The following SFMBT2 variants were observed in gnomAD, a reference collection of about 807,000 sequenced individuals.
SFMBT2 encodes the protein scm-like with four MBT domains protein 2.
A neutral mutation model predicts 110.1 loss-of-function variants in SFMBT2; 38 were observed. The ratio of observed to expected loss-of-function variants is 0.35; its 90% CI spans 0.27 to 0.45. SFMBT2 has a LOEUF of 0.45. Ranked by LOEUF, SFMBT2 falls within the 20% of genes least tolerant of loss-of-function variation. SFMBT2 has a pLI of 1.00. For synonymous variants in SFMBT2, 425 were observed against 425.4 expected (o/e 1.00, Z 0.01); for missense variants, 1,011 against 1,094.9 (o/e 0.92, Z 1.08).
At chr10:7,188,601 T>C in intron 16 of SFMBT2, 23 bp downstream of exon 16, 2 of 1,593,610 alleles carry the variant, frequency 1.3e-6, no homozygotes, top group Non-Finnish European at 1.7e-6. Context: ...AAACCCTTGC[T>C]TTCCAGAATT....
chr10:7,303,556 C>A (rs1021262196), intron 4 of SFMBT2, among the ~76,000 whole-genome samples: 3 of 152,004 alleles, frequency 2.0e-5, no homozygotes, highest in Non-Finnish European at 4.4e-5. Context: ...TAAAATAGGG[C>A]CTTATTTAGA....
chr10:7,385,995 C>CA (rs964025821), intron 1 of SFMBT2, among the ~76,000 whole-genome samples: 1 of 150,720 alleles, frequency 6.6e-6, no homozygotes, highest in African/African-American at 2.4e-5. Flanking sequence ...GACTCTGTCT[C>CA]AAAAAAACAT....
rs543308003 is a variant in SFMBT2 at position 7,324,865 on chromosome 10, C to G, written c.437-38911G>C. On this transcript the variant is annotated intron_variant, in intron 4 of 20. Coordinates refer to ENST00000397167, the MANE Select transcript of SFMBT2 (RefSeq NM_001387889.1). ...GAGGCGGAGGGAGAGTGCATAAGCT[C>G]TCAGGTGCCTCTTCTTTTAAGGACA... 3.7e-4 allele frequency among the ~76,000 whole-genome samples: 56 copies of G among 151,634 alleles called. No individual in the cohort carries two copies. In the South Asian group the frequency reaches 0.011, roughly 30 times the overall value.
At chr10:7,379,838 C>T (rs985272024) in intron 2 of SFMBT2, among the ~76,000 whole-genome samples, 1 of 152,194 alleles carries the variant, frequency 6.6e-6, no homozygotes, top group African/African-American at 2.4e-5. Context: ...ATGATTCTCG[C>T]TCTCACACTT....
chr10:7,364,711 G>A (rs1844835564), intron 4 of SFMBT2, among the ~76,000 whole-genome samples: 2 of 152,198 alleles, frequency 1.3e-5, no homozygotes, highest in South Asian at 4.1e-4. Context: ...CGGCAACAAG[G>A]ATGGGGCCTG....
intron 10 of SFMBT2, among the ~76,000 whole-genome samples, chr10:7,222,391 G>C (rs1276321212): frequency 6.6e-6 from 1 of 152,204 alleles, no homozygotes; most frequent in Non-Finnish European, 1.5e-5. Flanking sequence ...TGAAGTTTAA[G>C]CAACAAAAAT....
rs536112603 is a variant in SFMBT2 at position 7,339,927 on chromosome 10, G to T, written c.436+27722C>A. 9.2e-5 allele frequency among the ~76,000 whole-genome samples: 14 copies of T among 152,282 alleles called. No individual in the cohort carries two copies. In the South Asian group the frequency reaches 1.7e-3, roughly 18 times the overall value. ...CAGATGCTAAATGCTGGCCCAGAGG[G>T]TCAGCAGGATGAGCTAGTTTCTAAG... On this transcript the variant is annotated intron_variant, in intron 4 of 20. Transcript: ENST00000397167.
intron 15 of SFMBT2, among the ~76,000 whole-genome samples, chr10:7,194,129 C>T (rs879777455): frequency 2.0e-5 from 3 of 152,182 alleles, no homozygotes; most frequent in African/African-American, 4.8e-5. Context: ...TGTGCCTCCA[C>T]GCCAAGGCCT....
At chr10:7,194,189 T>C (rs761068210) in intron 15 of SFMBT2, among the ~76,000 whole-genome samples, 5 of 152,110 alleles carry the variant, frequency 3.3e-5, no homozygotes, top group African/African-American at 1.2e-4. Flanking sequence ...CAGTGGACCA[T>C]TGAGTGACTC....
chr10:7,197,593 T>C lies in SFMBT2; in HGVS notation c.1653A>G (p.Leu551=), dbSNP rs1174326846. ...ATTTGCCCGGTCCCACCGACTGAGG[T>C]AGCTCTGCAATCCTTCCTTTGTTCA... ...PYLNKGRIAE[L]PQSVGPGKCV... Residue 551 remains leucine, a synonymous_variant, in exon 15 of 21, where the codon CTA becomes CTG. Transcript: ENST00000397167. 1.2e-6 allele frequency: 2 copies of C among 1,614,110 alleles called. No individual in the cohort carries two copies. The highest frequency in any genetic ancestry group is 2.7e-5 in the African/African-American group (2 of 74,938).
chr10:7,182,425 A>G (rs1838270432), intron 16 of SFMBT2, among the ~76,000 whole-genome samples: 1 of 152,192 alleles, frequency 6.6e-6, no homozygotes, highest in African/African-American at 2.4e-5. Flanking sequence ...ACAGCATACC[A>G]ATGACATAAC....
rs200965592 is a variant in SFMBT2, at chr10:7,290,261, C to CA, written c.437-4308dup. On this transcript the variant is annotated intron_variant, in intron 4 of 20. Transcript: ENST00000397167. The stretch of plus-strand genomic sequence containing the variant: ...CAAACTCCTAGAAAGTCATAAGAAA[C>CA]AAAAAAAAAAAAAAGAAAGAAACTT... Among the ~76,000 whole-genome samples, 972 of 110,900 alleles carry CA rather than the reference C, an allele frequency of 8.8e-3. 4 individuals carry two copies. Among genetic ancestry groups the CA allele is most frequent in the South Asian group, 0.019 (66 of 3,516 alleles). The allele number at this position is 110,900 out of a possible 152,430, so 72.8% of individuals were successfully genotyped here.
Position 7,301,534 on chromosome 10 carries a change from A to G in SFMBT2, c.437-15580T>C, listed in dbSNP as rs963667672. 1.6e-4 allele frequency among the ~76,000 whole-genome samples: 24 copies of G among 152,180 alleles called. No homozygotes were observed. The highest frequency in any genetic ancestry group is 8.8e-5 in the Non-Finnish European group (6 of 68,036). Reference sequence around the variant, plus strand: ...CTCAGCCATCGGCAGTTAGTGGCACACTTTCCACTGAGACAGTGGGGGCAG... The same window carrying G: ...CTCAGCCATCGGCAGTTAGTGGCACGCTTTCCACTGAGACAGTGGGGGCAG... On this transcript the variant is annotated intron_variant, in intron 4 of 20. Transcript: ENST00000397167. The surrounding 1 kb of genome is among the most constrained non-coding windows in gnomAD (Gnocchi z 4.2).
intron 7 of SFMBT2, among the ~76,000 whole-genome samples, chr10:7,258,036 A>T (rs1023831941): frequency 1.2e-4 from 18 of 152,320 alleles, no homozygotes; most frequent in Middle Eastern, 3.4e-3. Context: ...GGCTCCAGCA[A>T]TACTTCCACC....
chr10:7,199,180 T>C (rs1259305621), intron 14 of SFMBT2, among the ~76,000 whole-genome samples: 2 of 152,124 alleles, frequency 1.3e-5, no homozygotes, highest in Admixed American at 6.5e-5. Context: ...GGTCTCACCA[T>C]GTTGGCCAGG....
At position 7,169,225 on chromosome 10, in the gene SFMBT2, CA is replaced by C. The variant is rs553141594; in HGVS notation, c.2544+1702del. Among the ~76,000 whole-genome samples, 477 of 152,262 alleles carry C rather than the reference CA, an allele frequency of 3.1e-3. 4 individuals carry two copies. Among genetic ancestry groups the C allele is most frequent in the African/African-American group, 0.011 (457 of 41,562 alleles). ...AAGTGATCTGCCTGTCTCGGCCTCC[CA>C]AAGTGTTAGGATTACAGGCATAAGC... On this transcript the variant is annotated intron_variant, in intron 20 of 20. Transcript: ENST00000397167.
intron 9 of SFMBT2, chr10:7,241,240 A>G: frequency 4.1e-6 from 3 of 737,976 alleles, no homozygotes; most frequent in Non-Finnish European, 5.0e-6. Flanking sequence ...CCCTTCTCCT[A>G]TATAAATTAC....
At chr10:7,214,595 C>T (rs778422595) in intron 11 of SFMBT2, 8 of 985,376 alleles carry the variant, frequency 8.1e-6, no homozygotes, top group African/African-American at 1.7e-5. Flanking sequence ...GCTCCTCAAA[C>T]ACACTTGCAG....
intron 4 of SFMBT2, among the ~76,000 whole-genome samples, chr10:7,288,783 C>A (rs1044766262): frequency 1.3e-5 from 2 of 152,010 alleles, no homozygotes; most frequent in Non-Finnish European, 2.9e-5. Context: ...GCAATCCCAG[C>A]ACTTTGGGAG....
Sources: gnomAD v4.1 joint callset for allele counts (sites outside exome capture counted in the v4.1 genomes callset) on GRCh38, gnomAD v4.1.1 for gene constraint, Gnocchi (gnomAD v3.1) non-coding constraint, MANE v1.5 for transcripts, NCBI Gene and HGNC (gene_info 2026-07-23, HGNC 2026-07-21) for gene names.